The following TANC2 variants were observed in gnomAD, a reference collection of about 807,000 sequenced individuals.
TANC2 encodes tetratricopeptide repeat, ankyrin repeat and coiled-coil containing 2.
In TANC2, 26 loss-of-function variants were observed where a neutral mutation model predicts 210.5. That is an observed-to-expected ratio of 0.12 (90% CI 0.09 to 0.17). The LOEUF (loss-of-function observed/expected upper bound fraction) is 0.17, where lower values mean the gene tolerates loss of function less well. Among genes scored for constraint, TANC2 ranks in the 10% least tolerant of loss-of-function variants. The pLI, the probability that TANC2 is intolerant of heterozygous loss-of-function variation, is 1.00. For synonymous variants in TANC2, 931 were observed against 967.1 expected (o/e 0.96, Z 0.69); for missense variants, 2,129 against 2,608.9 (o/e 0.82, Z 4.01).
chr17:63,277,492 A>T (rs1940760522), intron 9 of TANC2, among the ~76,000 whole-genome samples: 1 of 141,882 alleles, frequency 7.0e-6, no homozygotes. Context: ...TCTAAAATGC[A>T]GCTCAGAATC....
intron 1 of TANC2, among the ~76,000 whole-genome samples, chr17:62,969,432 C>T (rs1362970825): frequency 6.6e-6 from 1 of 152,226 alleles, no homozygotes; most frequent in African/African-American, 2.4e-5. Flanking sequence ...AATTAAAATG[C>T]ATGTGCCCAT....
chr17:63,215,733 G>GTT (rs1372663624), intron 7 of TANC2, among the ~76,000 whole-genome samples: 5 of 151,690 alleles, frequency 3.3e-5, no homozygotes, highest in Non-Finnish European at 7.4e-5. Flanking sequence ...GTTTTGTTTT[G>GTT]TTTTATTTTT....
intron 3 of TANC2, among the ~76,000 whole-genome samples, chr17:63,098,861 GA>G (rs11361218): frequency 0.24 from 37,011 of 151,270 alleles, 4,899 homozygotes; most frequent in South Asian, 0.35. Context: ...TGTCTTATCA[GA>G]AAAAAAAGTA....
intron 2 of TANC2, among the ~76,000 whole-genome samples, chr17:63,020,708 T>G (rs1182639799): frequency 1.3e-5 from 2 of 152,228 alleles, no homozygotes; most frequent in Non-Finnish European, 2.9e-5. Flanking sequence ...TGTGACTGTT[T>G]GTATTAGTCC....
chr17:62,984,266 T>C (rs1018029761), intron 1 of TANC2, among the ~76,000 whole-genome samples: 1 of 152,136 alleles, frequency 6.6e-6, no homozygotes, highest in Non-Finnish European at 1.5e-5. Context: ...TATTGACATA[T>C]ATTCATAGTA....
At chr17:63,144,729 G>A (rs955225301) in intron 4 of TANC2, among the ~76,000 whole-genome samples, 2 of 152,024 alleles carry the variant, frequency 1.3e-5, no homozygotes, top group Admixed American at 1.3e-4. Flanking sequence ...ATACTTTGCA[G>A]CTGTGTATTA....
chr17:63,117,260 G>A (rs562563753), intron 4 of TANC2: 1 of 152,238 alleles, frequency 6.6e-6, no homozygotes, highest in South Asian at 2.1e-4. Flanking sequence ...AGAAACCTAA[G>A]AACCAGTTCT....
chr17:63,318,021 C>T lies in TANC2; in HGVS notation c.1442-936C>T, dbSNP rs55850337. Among the ~76,000 whole-genome samples, 12 of 152,324 alleles carry T rather than the reference C, an allele frequency of 7.9e-5. No individual in the cohort carries two copies. The East Asian group carries it at 2.1e-3, about 27-fold the overall frequency. ...TCCTTGAGGCTTCTTTCACTGCCATCCTCCATGCCCACCCCCCTGCAGTTA... is the reference window on the plus strand; with the variant it reads ...TCCTTGAGGCTTCTTTCACTGCCATTCTCCATGCCCACCCCCCTGCAGTTA... On this transcript the variant is annotated intron_variant, in intron 10 of 27. Transcript: ENST00000689528.
intron 1 of TANC2, among the ~76,000 whole-genome samples, chr17:62,997,791 G>C (rs568045639): frequency 6.6e-6 from 1 of 152,142 alleles, no homozygotes; most frequent in African/African-American, 2.4e-5. Flanking sequence ...CAAGAAACTT[G>C]TTTCTCAGAC....
At chr17:63,087,933 A>G (rs570664533) in intron 3 of TANC2, among the ~76,000 whole-genome samples, 1 of 152,230 alleles carries the variant, frequency 6.6e-6, no homozygotes, top group East Asian at 1.9e-4. Flanking sequence ...TTGATTTTTC[A>G]ACGTGTTTAG....
rs545309060 is a variant in TANC2 at position 63,110,985 on chromosome 17, G to A, written c.322+11628G>A. On this transcript the variant is annotated intron_variant, in intron 4 of 27. Transcript: ENST00000689528. ...TTTTGTTACCTGTATTGTATTATTG[G>A]TATTTCTGCATCACAGAGTATTGTA... is the stretch of plus-strand genomic sequence containing the variant. Among the ~76,000 whole-genome samples, 346 of 152,212 alleles carry A rather than the reference G, an allele frequency of 2.3e-3. 1 individual carries two copies. The highest frequency in any genetic ancestry group is 0.022 in the South Asian group (105 of 4,824).
At chr17:63,201,964 T>C (rs1218478442) in intron 7 of TANC2, among the ~76,000 whole-genome samples, 4 of 152,196 alleles carry the variant, frequency 2.6e-5, no homozygotes, top group African/African-American at 9.6e-5. Flanking sequence ...GTGATCTTTC[T>C]TGAGTAATAT....
At chr17:63,146,132 T>C (rs2039455298) in intron 4 of TANC2, among the ~76,000 whole-genome samples, 1 of 152,194 alleles carries the variant, frequency 6.6e-6, no homozygotes, top group Non-Finnish European at 1.5e-5. Flanking sequence ...CTTGATTAAG[T>C]TTATGTCTAC....
rs200043598 is a variant in TANC2 at position 63,074,002 on chromosome 17, C to T, written c.127C>T (p.Arg43Cys). The T allele has an allele frequency of 2.9e-4, 456 of 1,581,650 alleles. No individual in the cohort carries two copies. Among genetic ancestry groups the T allele is most frequent in the Non-Finnish European group, 3.5e-4 (408 of 1,163,534 alleles). ...GTCAAGTGTAGACTCTCGCCAAAGC[C>T]GCTCTGGGCAAGGTAAATTTTCATC... Residue 43 changes from arginine to cysteine, a missense_variant, in exon 3 of 28, where the codon CGC becomes TGC. Around this residue, in one of 5 missense-constraint regions of TANC2, gnomAD observed 739 missense variants for 848.0 expected, o/e 0.87. Coordinates refer to ENST00000689528, the Ensembl canonical transcript of TANC2.
At chr17:63,063,298 T>C (rs2036062150) in intron 2 of TANC2, among the ~76,000 whole-genome samples, 1 of 152,146 alleles carries the variant, frequency 6.6e-6, no homozygotes. Flanking sequence ...TATGGCGGCT[T>C]CGTCACGTAG....
chr17:63,042,453 G>A (rs1169369779), intron 2 of TANC2, among the ~76,000 whole-genome samples: 1 of 152,086 alleles, frequency 6.6e-6, no homozygotes, highest in Non-Finnish European at 1.5e-5. Flanking sequence ...GTTACAAGCT[G>A]AAAACAAAAT....
chr17:63,419,049 A>T (rs1245392610), intron 27 of TANC2, among the ~76,000 whole-genome samples: 3 of 152,126 alleles, frequency 2.0e-5, no homozygotes, highest in African/African-American at 7.2e-5. Context: ...TCCCAGAATA[A>T]CCTAGAACCT....
intron 7 of TANC2, among the ~76,000 whole-genome samples, chr17:63,208,141 A>G (rs535351319): frequency 1.3e-5 from 2 of 151,734 alleles, no homozygotes; most frequent in Middle Eastern, 3.4e-3. Flanking sequence ...AATGTAGTCA[A>G]GTTTTTTTGT....
intron 2 of TANC2, among the ~76,000 whole-genome samples, chr17:63,023,585 C>T (rs925516736): frequency 2.6e-4 from 39 of 152,126 alleles, no homozygotes; most frequent in African/African-American, 8.7e-4. Flanking sequence ...GCTGATTACT[C>T]CTTAATTTTT....
Sources: allele counts gnomAD v4.1 joint callset (sites outside exome capture counted in the v4.1 genomes callset), GRCh38; gene constraint gnomAD v4.1.1; regional missense constraint gnomAD v4.1.1; transcripts MANE v1.5; gene names NCBI Gene and HGNC (gene_info 2026-07-23, HGNC 2026-07-21).